Variants in NDUFV1 observed in about 807,000 individuals in gnomAD.
The protein encoded by NDUFV1 is NADH dehydrogenase [ubiquinone] flavoprotein 1, mitochondrial.
In NDUFV1, 41 loss-of-function variants were observed where a neutral mutation model predicts 48.7. The ratio of observed to expected loss-of-function variants is 0.84; its 90% CI spans 0.66 to 1.09. The LOEUF is 1.09. Ranked by LOEUF, NDUFV1 falls within the 50% of genes least tolerant of loss-of-function variation. The pLI is 0.00. For synonymous variants in NDUFV1, 231 were observed against 259.1 expected, an observed-to-expected ratio of 0.89 and a Z score of 1.04; for missense variants, 580 against 645.4, an observed-to-expected ratio of 0.90 and a Z score of 1.10.
At chr11:67,610,671 C>T (rs1458738782) in intron 5 of NDUFV1, 101 bp downstream of exon 5, 33 of 1,474,190 alleles carry the variant, frequency 2.2e-5, no homozygotes, top group South Asian at 7.2e-5. Flanking sequence ...AGTGGCTTCC[C>T]GGCTGGGGCC....
rs771930789 is a variant in NDUFV1, at chr11:67,611,480, G to T, written c.991G>T (p.Val331Leu). The T allele has an allele frequency of 6.2e-7, 1 of 1,614,106 alleles. No homozygotes were observed. The highest frequency in any genetic ancestry group is 1.1e-5 in the South Asian group (1 of 91,038). ...GTCTACCCCACTGATCCCCAAGTCT[G>T]TGTGTGAGACGGTGCTGATGGACTT... is the stretch of plus-strand genomic sequence containing the variant. ...GSSTPLIPKSVCETVLMDFDA... is the reference protein window; with the variant it reads ...GSSTPLIPKSLCETVLMDFDA... Residue 331 changes from valine (V) to leucine (L), a missense_variant, in exon 7 of 10, where the codon GTG (valine) becomes TTG (leucine). Physicochemically the swap from Val to Leu is conservative, Grantham distance 32. Coordinates refer to ENST00000322776, the MANE Select transcript of NDUFV1 (RefSeq NM_007103.4). The surrounding 1 kb of genome is among the most constrained non-coding windows in gnomAD (Gnocchi z 4.2).
intron 3 of NDUFV1, 53 bp downstream of exon 3, chr11:67,608,775 G>C (rs1234608766): frequency 2.5e-6 from 4 of 1,607,238 alleles, no homozygotes; most frequent in Non-Finnish European, 3.4e-6. Context: ...CTTGGGGGTG[G>C]CTGGGGTTTC....
chr11:67,609,862 T>C (rs1450474460), intron 4 of NDUFV1: 7 of 510,526 alleles, frequency 1.4e-5, no homozygotes, highest in South Asian at 5.9e-5. Context: ...TTCAAAAATA[T>C]AGTATTTTTT....
In NDUFV1 at chr11:67,608,754, G is replaced by A. The variant is rs935261229; in HGVS notation, c.326+32G>A. The A allele has an allele frequency of 1.9e-6, 3 of 1,611,428 alleles. No individual in the cohort carries two copies. The African/African-American group carries it at 4.0e-5, about 22-fold the overall frequency. ...GTGTGGGGGCGGGGCAGATGTGGCT[G>A]TGGGAGAGACCTTGGGGGTGGCTGG... On this transcript the variant is annotated intron_variant, in intron 3 of 9. Transcript: ENST00000322776.
At position 67,611,470 on chromosome 11, in the gene NDUFV1, C is replaced by A. The variant is rs747407725; in HGVS notation, c.981C>A (p.Ile327=). 287 of 1,614,020 alleles carry A rather than the reference C, an allele frequency of 1.8e-4. No individual in the cohort carries two copies. The highest frequency in any genetic ancestry group is 2.3e-4 in the Non-Finnish European group (271 of 1,180,020). The part of the protein sequence containing the change: ...VIPGGSSTPL[I]PKSVCETVLM... Reference sequence around the variant, plus strand: ...CTGGCGGCTCGTCTACCCCACTGATCCCCAAGTCTGTGTGTGAGACGGTGC... The same window carrying A: ...CTGGCGGCTCGTCTACCCCACTGATACCCAAGTCTGTGTGTGAGACGGTGC... Residue 327 remains isoleucine (I), a synonymous_variant, in exon 7 of 10, where the codon ATC becomes ATA. Coordinates refer to ENST00000322776, the MANE Select transcript of NDUFV1 (RefSeq NM_007103.4). The surrounding 1 kb of genome is among the most constrained non-coding windows in gnomAD (Gnocchi z 4.2).
intron 1 of NDUFV1, chr11:67,607,524 C>T (rs1251145076): frequency 2.2e-6 from 1 of 460,204 alleles, no homozygotes; most frequent in Non-Finnish European, 4.3e-6. Context: ...TCGTGGGGCT[C>T]CTCATTTCAT....
At chr11:67,607,202 A>G (rs1315984612) in intron 1 of NDUFV1, 126 bp downstream of exon 1, 4 of 1,093,032 alleles carry the variant, frequency 3.7e-6, no homozygotes, top group Admixed American at 2.0e-5. Context: ...CCAGGCGGGA[A>G]GGCCCCCGCT....
In NDUFV1 at chr11:67,611,705, G is replaced by A; in HGVS notation, c.1080+136G>A. On this transcript the variant is annotated intron_variant, in intron 7 of 9. Coordinates refer to ENST00000322776, the MANE Select transcript of NDUFV1 (RefSeq NM_007103.4). This position sits in a 1 kb window ranked among gnomAD's most constrained non-coding sequence, Gnocchi z 4.2. ...GAGATAAAGCAAGGTGGAAGAGGAG[G>A]GAGGAAGGCTGCTCTGAGGAGAATA... is the stretch of plus-strand genomic sequence containing the variant. The A allele has an allele frequency of 2.1e-6, 3 of 1,426,836 alleles. No homozygotes were observed. Among genetic ancestry groups the A allele is most frequent in the Non-Finnish European group, 1.9e-6 (2 of 1,042,852 alleles). The allele number at this position is 1,426,836 out of a possible 1,614,324, so 88.4% of individuals were successfully genotyped here. A position where few individuals can be genotyped will look rare whatever the true frequency, so the allele number is the denominator to read the frequency against.
chr11:67,611,583 C>T lies in NDUFV1; in HGVS notation c.1080+14C>T, dbSNP rs1202921548. 8 of 1,595,714 alleles carry T rather than the reference C, an allele frequency of 5.0e-6. No homozygotes were observed. Among genetic ancestry groups the T allele is most frequent in the South Asian group, 4.5e-5 (4 of 88,586 alleles). On this transcript the variant is annotated intron_variant, in intron 7 of 9. Coordinates refer to ENST00000322776, the MANE Select transcript of NDUFV1 (RefSeq NM_007103.4). This position sits in a 1 kb window ranked among gnomAD's most constrained non-coding sequence, Gnocchi z 4.2. The stretch of plus-strand genomic sequence containing the variant: ...ATGGACCGCTCGGTAAGGGTTCACA[C>T]ACCAGCCCTGGTCCCTGCCCTCCTG...
chr11:67,609,959 A>G (rs892338801), intron 4 of NDUFV1: 2 of 366,446 alleles, frequency 5.5e-6, no homozygotes, highest in East Asian at 5.5e-5. Flanking sequence ...AACAATTCCT[A>G]TTTGGAGAAA....
chr11:67,607,132 G>T (rs975701103), intron 1 of NDUFV1, 56 bp downstream of exon 1: 4 of 1,544,080 alleles, frequency 2.6e-6, no homozygotes, highest in Non-Finnish European at 3.5e-6. Flanking sequence ...TCGCGGCCGC[G>T]CCCGTGCACG....
At position 67,611,217 on chromosome 11, in the gene NDUFV1, G is replaced by A; in HGVS notation, c.913+10G>A. 6.2e-7 allele frequency: 1 copy of A among 1,613,800 alleles called. No homozygotes were observed. The highest frequency in any genetic ancestry group is 1.1e-5 in the South Asian group (1 of 91,072). On this transcript the variant is annotated intron_variant, in intron 6 of 9. Transcript: ENST00000322776. The surrounding 1 kb of genome is among the most constrained non-coding windows in gnomAD (Gnocchi z 4.2). ...ATTGAGAAGCATGCTGGTAAGGCCT[G>A]GGGCCAGCCAGGTGGTGGGGGGGTG...
Position 67,611,928 on chromosome 11 carries a change from T to C in NDUFV1, c.1112T>C (p.Ile371Thr), listed in dbSNP as rs1345098592. 1 of 1,613,886 alleles carries C rather than the reference T, an allele frequency of 6.2e-7. No homozygotes were observed. The highest frequency in any genetic ancestry group is 8.5e-7 in the Non-Finnish European group (1 of 1,180,014). ...ATCGTGAAAGCCATCGCCCGCCTCA[T>C]TGAGTTCTATAAGCACGAGAGCTGT... ...TDIVKAIARL[I>T]EFYKHESCGQ... The change falls in exon 8 of 10, where the codon ATT (isoleucine) becomes ACT (threonine). Residue 371 changes from isoleucine to threonine, a missense_variant. Coordinates refer to ENST00000322776, the MANE Select transcript of NDUFV1 (RefSeq NM_007103.4). The surrounding 1 kb of genome is among the most constrained non-coding windows in gnomAD (Gnocchi z 4.2).
At chr11:67,607,316 G>C in intron 1 of NDUFV1, 1 of 685,918 alleles carries the variant, frequency 1.5e-6, no homozygotes, top group Non-Finnish European at 2.7e-6. Flanking sequence ...CCTGGCGGAA[G>C]TTTTGCAGGT....
chr11:67,607,395 C>A, intron 1 of NDUFV1: 1 of 559,640 alleles, frequency 1.8e-6, no homozygotes, highest in African/African-American at 1.9e-5. Context: ...GTCATTGCCC[C>A]ATTTAGGGAT....
In NDUFV1 at chr11:67,611,099, C is replaced by T. The variant is rs776192258; in HGVS notation, c.805C>T (p.Arg269Cys). 3.1e-6 allele frequency: 5 copies of T among 1,614,222 alleles called. No homozygotes were observed. Among genetic ancestry groups the T allele is most frequent in the Admixed American group, 3.3e-5 (2 of 60,024 alleles). Reference protein sequence around the residue: ...GTWFAGFGRERNSGTKLFNIS... With the variant: ...GTWFAGFGRECNSGTKLFNIS... ...CTGGTTTGCTGGCTTTGGCAGAGAACGCAACTCAGGCACCAAACTATTCAA... is the reference window on the plus strand; with the variant it reads ...CTGGTTTGCTGGCTTTGGCAGAGAATGCAACTCAGGCACCAAACTATTCAA... The change falls in exon 6 of 10, where the codon CGC (arginine) becomes TGC (cysteine). Residue 269 changes from arginine to cysteine, a missense_variant. Physicochemically the swap from Arg to Cys is radical, Grantham distance 180. Coordinates refer to ENST00000322776, the MANE Select transcript of NDUFV1 (RefSeq NM_007103.4). This position sits in a 1 kb window ranked among gnomAD's most constrained non-coding sequence, Gnocchi z 4.2.
chr11:67,608,850 C>CAT, intron 3 of NDUFV1, 128 bp downstream of exon 3: 1 of 1,295,116 alleles, frequency 7.7e-7, no homozygotes, highest in Non-Finnish European at 1.1e-6. Context: ...GTTCCCAGGC[C>CAT]TTAAATGGAT....
Position 67,611,757 on chromosome 11 carries a change from C to T in NDUFV1, c.1081-140C>T. On this transcript the variant is annotated intron_variant, in intron 7 of 9. Transcript: ENST00000322776. The surrounding 1 kb of genome is among the most constrained non-coding windows in gnomAD (Gnocchi z 4.2). ...CCCGGAGTCTGGGCAGCACAGGGGG[C>T]CCAGGGAGGCTGGAGGAGGCCAGAA... 3 of 1,378,002 alleles carry T rather than the reference C, an allele frequency of 2.2e-6. No homozygotes were observed. The highest frequency in any genetic ancestry group is 2.4e-5 in the South Asian group (2 of 82,444). 85.4% of individuals were successfully genotyped at this position (1,378,002 alleles called of 1,614,324 possible).
Position 67,609,596 on chromosome 11 carries a change from C to T in NDUFV1, c.471C>T (p.Tyr157=). The change falls in exon 4 of 10, where the codon TAC becomes TAT. Residue 157 remains tyrosine (Y), a synonymous_variant. Coordinates refer to ENST00000322776, the MANE Select transcript of NDUFV1 (RefSeq NM_007103.4). ...RAMGARAAYI[Y]IRGEFYNEAS... ...TGGGCGCCCGCGCTGCCTATATCTA[C>T]ATCCGAGGGGAATTCTACAATGAGG... 1 of 1,609,770 alleles carries T rather than the reference C, an allele frequency of 6.2e-7. No individual in the cohort carries two copies. Among genetic ancestry groups the T allele is most frequent in the Non-Finnish European group, 8.5e-7 (1 of 1,180,010 alleles).
Sources: allele counts gnomAD v4.1 joint callset, GRCh38; gene constraint gnomAD v4.1.1; non-coding constraint Gnocchi (gnomAD v3.1); transcripts MANE v1.5; gene names NCBI Gene and HGNC (gene_info 2026-07-23, HGNC 2026-07-21).